Variants in DMXL2 observed in about 807,000 individuals in gnomAD.
The protein encoded by DMXL2 is dmX-like protein 2.
DMXL2 carries 103 observed loss-of-function variants against 331.1 expected under a neutral mutation model. The observed-to-expected ratio is 0.31, with a 90% CI of 0.27 to 0.37. The LOEUF is 0.37. Ranked by LOEUF, DMXL2 falls within the 10% of genes least tolerant of loss-of-function variation. The probability of loss-of-function intolerance (pLI) is 1.00; values close to 1 mark genes in which losing one functional copy is unlikely to be tolerated. For synonymous variants in DMXL2, 1,281 were observed against 1,252.1 expected (o/e 1.02, Z -0.49); for missense variants, 3,171 against 3,642.9 (o/e 0.87, Z 3.33).
intron 27 of DMXL2, 24 bp downstream of exon 27, chr15:51,476,565 T>G (rs760667284): frequency 6.3e-7 from 1 of 1,592,058 alleles, no homozygotes; most frequent in Non-Finnish European, 8.5e-7. Context: ...AAGATTTTTT[T>G]TTTTTAATCA....
intron 1 of DMXL2, among the ~76,000 whole-genome samples, chr15:51,583,106 C>CTTTTTTTTTTTTTCTTTTTTTTT (rs2051563028): frequency 2.3e-5 from 2 of 87,178 alleles, no homozygotes; most frequent in African/African-American, 4.1e-5. Flanking sequence ...CTTCATTCTT[C>CTTTTTTTTTTTTTCTTTTTTTTT]TTTTTTTTTT....
intron 43 of DMXL2, among the ~76,000 whole-genome samples, chr15:51,449,793 C>T (rs2038975000): frequency 6.6e-6 from 1 of 152,162 alleles, no homozygotes; most frequent in Non-Finnish European, 1.5e-5. Context: ...CCACCACACA[C>T]AAGAGTACTG....
Position 51,516,931 on chromosome 15 carries a change from G to A in DMXL2, c.2526+147C>T, listed in dbSNP as rs775108567. ...GAGAAAAATAATCCCTAAATCATTA[G>A]TAGATTTTCACTATGGGAATCAACA... On this transcript the variant is annotated intron_variant, in intron 14 of 43. Coordinates refer to ENST00000560891, the MANE Select transcript of DMXL2 (RefSeq NM_001378457.1). 51 of 674,836 alleles carry A rather than the reference G, an allele frequency of 7.6e-5. No homozygotes were observed. In the Middle Eastern group the frequency reaches 8.4e-4, roughly 11 times the overall value. 41.8% of individuals were successfully genotyped at this position (674,836 alleles called of 1,614,324 possible).
At chr15:51,493,813 T>A (rs564118189) in intron 19 of DMXL2, among the ~76,000 whole-genome samples, 3 of 152,354 alleles carry the variant, frequency 2.0e-5, no homozygotes, top group African/African-American at 4.8e-5. Flanking sequence ...GATACCATTT[T>A]AAAAACCTAT....
chr15:51,561,695 A>C (rs1221309697), intron 6 of DMXL2, among the ~76,000 whole-genome samples: 1 of 152,232 alleles, frequency 6.6e-6, no homozygotes, highest in East Asian at 1.9e-4. Flanking sequence ...TTATCCAAAA[A>C]AAAGGAAATC....
Position 51,486,062 on chromosome 15 carries a change from A to G in DMXL2, c.5482+11T>C. 1 of 1,545,346 alleles carries G rather than the reference A, an allele frequency of 6.5e-7. No individual in the cohort carries two copies. On this transcript the variant is annotated intron_variant, in intron 23 of 43. Transcript: ENST00000560891. ...AAAAAAGAAAAAAAAGAAATCCACA[A>G]AACGTCCTACCTTGATGTTCATCAT...
Position 51,622,628 on chromosome 15 carries a change from C to G in DMXL2, c.-83G>C, listed in dbSNP as rs772174703. On this transcript the variant is annotated 5_prime_UTR_variant, in exon 1 of 44. Coordinates refer to ENST00000560891, the MANE Select transcript of DMXL2 (RefSeq NM_001378457.1). ...CCTCCTCGGGCTGCGAGAGCCGTTTCCCTCTGTGCCTCCCTCGGAAACCCG... is the reference window on the plus strand; with the variant it reads ...CCTCCTCGGGCTGCGAGAGCCGTTTGCCTCTGTGCCTCCCTCGGAAACCCG... 78 of 1,470,068 alleles carry G rather than the reference C, an allele frequency of 5.3e-5. No homozygotes were observed. The Middle Eastern group carries it at 1.0e-3, about 20-fold the overall frequency. 91.1% of individuals were successfully genotyped at this position (1,470,068 alleles called of 1,614,324 possible).
chr15:51,529,566 A>T (rs1425626372), intron 13 of DMXL2, among the ~76,000 whole-genome samples: 1 of 152,304 alleles, frequency 6.6e-6, no homozygotes, highest in East Asian at 1.9e-4. Context: ...AAGAAGTCCA[A>T]AACCTGAATA....
chr15:51,505,768 T>C (rs2046361636), intron 16 of DMXL2, among the ~76,000 whole-genome samples: 1 of 152,238 alleles, frequency 6.6e-6, no homozygotes, highest in Admixed American at 6.5e-5. Flanking sequence ...GTACAAATTA[T>C]TCTTTCACTG....
chr15:51,590,831 CAT>C (rs768330216), intron 1 of DMXL2, among the ~76,000 whole-genome samples: 2 of 152,280 alleles, frequency 1.3e-5, no homozygotes, highest in Non-Finnish European at 2.9e-5. Flanking sequence ...GATCCTGCCA[CAT>C]GTGCTTATAT....
intron 1 of DMXL2, among the ~76,000 whole-genome samples, chr15:51,590,303 G>A (rs542630558): frequency 3.2e-4 from 49 of 152,334 alleles, no homozygotes; most frequent in African/African-American, 1.1e-3. Flanking sequence ...TATGTACACA[G>A]AGGCCAGGGA....
rs1437946740 is a variant in DMXL2 at position 51,480,022 on chromosome 15, T to C, written c.6682A>G (p.Asn2228Asp). The stretch of plus-strand genomic sequence containing the variant: ...GTATAAAGTATATCATGGATGTGAT[T>C]ATTTAAGTACAATACAGGATTAGCT... The part of the protein sequence containing the change: ...VIANPVLYLN[N>D]HIHDILYTIV... The change falls in exon 25 of 44, where the codon AAT becomes GAT. Residue 2228 changes from asparagine (N) to aspartate (D), a missense_variant. Around this residue, in one of 7 missense-constraint regions of DMXL2, gnomAD observed 197 missense variants for 196.2 expected, o/e 1.00. Coordinates refer to ENST00000560891, the MANE Select transcript of DMXL2 (RefSeq NM_001378457.1). 6.3e-7 allele frequency: 1 copy of C among 1,595,034 alleles called. No homozygotes were observed.
chr15:51,453,648 AAAAC>A lies in DMXL2; in HGVS notation c.8605-11_8605-8del. 1 of 1,610,744 alleles carries A rather than the reference AAAAC, an allele frequency of 6.2e-7. No homozygotes were observed. The highest frequency in any genetic ancestry group is 1.7e-4 in the Middle Eastern group (1 of 6,048). ...TACTGTGGCACTGCCAACTCTACGA[AAAAC>A]AAAGTGCAACTGATGTTATTTTACC... On this transcript the variant is annotated splice_polypyrimidine_tract_variant and splice_region_variant and intron_variant, in intron 40 of 43. Coordinates refer to ENST00000560891, the MANE Select transcript of DMXL2 (RefSeq NM_001378457.1).
intron 13 of DMXL2, among the ~76,000 whole-genome samples, chr15:51,532,487 G>C (rs1379453081): frequency 1.3e-5 from 2 of 152,102 alleles, no homozygotes; most frequent in Non-Finnish European, 2.9e-5. Context: ...GGTGACTATA[G>C]TCAATAATTT....
intron 1 of DMXL2, chr15:51,603,705 A>G (rs1305071432): frequency 3.3e-5 from 5 of 152,014 alleles, no homozygotes; most frequent in Non-Finnish European, 5.9e-5. Context: ...TCTCTACTAA[A>G]AAACAAAAAA....
At chr15:51,496,491 T>C (rs1344951639) in intron 18 of DMXL2, among the ~76,000 whole-genome samples, 1 of 152,188 alleles carries the variant, frequency 6.6e-6, no homozygotes, top group Non-Finnish European at 1.5e-5. Context: ...GAAATGAGCA[T>C]AGATCGTGTG....
rs376912314 is a variant in DMXL2 at position 51,557,599 on chromosome 15, G to A, written c.567+5782C>T. The stretch of plus-strand genomic sequence containing the variant: ...ACGATCTTAAAAAAGAAAAACAAGA[G>A]GGGAGGACTTGCCCTACCAGATATC... On this transcript the variant is annotated intron_variant, in intron 6 of 43. Coordinates refer to ENST00000560891, the MANE Select transcript of DMXL2 (RefSeq NM_001378457.1). 2.0e-5 allele frequency among the ~76,000 whole-genome samples: 3 copies of A among 152,242 alleles called. No individual in the cohort carries two copies. The East Asian group carries it at 5.8e-4, about 29-fold the overall frequency.
At chr15:51,574,527 C>A (rs1042848605) in intron 2 of DMXL2, among the ~76,000 whole-genome samples, 1 of 152,136 alleles carries the variant, frequency 6.6e-6, no homozygotes, top group Non-Finnish European at 1.5e-5. Context: ...CAAGAAAAAT[C>A]ATAATCCACA....
intron 15 of DMXL2, among the ~76,000 whole-genome samples, chr15:51,513,732 C>T (rs1259013103): frequency 1.3e-5 from 2 of 152,102 alleles, no homozygotes; most frequent in Admixed American, 6.6e-5. Flanking sequence ...ACTAAATATT[C>T]GCCATAGACA....
Sources: allele counts gnomAD v4.1 joint callset (sites outside exome capture counted in the v4.1 genomes callset), GRCh38; gene constraint gnomAD v4.1.1; regional missense constraint gnomAD v4.1.1; transcripts MANE v1.5; gene names NCBI Gene and HGNC (gene_info 2026-07-23, HGNC 2026-07-21).